Variants in SH3GL2 observed in about 807,000 individuals in gnomAD.
The protein encoded by SH3GL2 is endophilin-A1.
SH3GL2 carries 24 observed loss-of-function variants against 46.0 expected under a neutral mutation model. That is an observed-to-expected ratio of 0.52 (90% confidence interval 0.38 to 0.73). The LOEUF (loss-of-function observed/expected upper bound fraction) is 0.73. Among genes scored for constraint, SH3GL2 ranks in the 30% least tolerant of loss-of-function variants. The pLI is 0.00. For synonymous variants in SH3GL2, 196 were observed against 147.1 expected, an observed-to-expected ratio of 1.33 and a Z score of -2.40; for missense variants, 413 against 424.2, an observed-to-expected ratio of 0.97 and a Z score of 0.23.
chr9:17,584,136 G>GAAACATTCT (rs1818326499), intron 1 of SH3GL2, among the ~76,000 whole-genome samples: 3 of 152,196 alleles, frequency 2.0e-5, no homozygotes, highest in African/African-American at 7.2e-5. Context: ...ATTTTTCTGA[G>GAAACATTCT]GGAGAATGCC....
chr9:17,686,354 G>A (rs1820909407), intron 1 of SH3GL2, among the ~76,000 whole-genome samples: 1 of 134,224 alleles, frequency 7.5e-6, no homozygotes, highest in Non-Finnish European at 1.6e-5. Context: ...CTGTAAACTA[G>A]TTCAACCATT....
intron 1 of SH3GL2, among the ~76,000 whole-genome samples, chr9:17,736,933 C>G (rs1406301655): frequency 6.6e-6 from 1 of 151,984 alleles, no homozygotes; most frequent in Admixed American, 6.6e-5. Flanking sequence ...TTCACAATAG[C>G]AAAGACTTGG....
At chr9:17,716,488 G>C (rs1821763052) in intron 1 of SH3GL2, among the ~76,000 whole-genome samples, 1 of 152,106 alleles carries the variant, frequency 6.6e-6, no homozygotes, top group Non-Finnish European at 1.5e-5. Flanking sequence ...TCAATTCCAG[G>C]TCAATTATAA....
chr9:17,600,369 A>G (rs538097826), intron 1 of SH3GL2, among the ~76,000 whole-genome samples: 1 of 152,380 alleles, frequency 6.6e-6, no homozygotes, highest in East Asian at 1.9e-4. Flanking sequence ...AAAGACAGGA[A>G]TGTAATGTCG....
intron 3 of SH3GL2, among the ~76,000 whole-genome samples, chr9:17,774,066 T>C (rs1231707487): frequency 6.6e-6 from 1 of 152,288 alleles, no homozygotes; most frequent in Non-Finnish European, 1.5e-5. Flanking sequence ...CTATTGTAAA[T>C]GGAATTAACC....
chr9:17,639,073 A>T (rs1297224156), intron 1 of SH3GL2, among the ~76,000 whole-genome samples: 1 of 152,250 alleles, frequency 6.6e-6, no homozygotes, highest in Non-Finnish European at 1.5e-5. Flanking sequence ...TTATAAAGGT[A>T]TGTTGAATGA....
intron 1 of SH3GL2, among the ~76,000 whole-genome samples, chr9:17,694,490 C>T (rs1821157457): frequency 6.6e-6 from 1 of 152,098 alleles, no homozygotes; most frequent in South Asian, 2.1e-4. Flanking sequence ...TTGCTATATA[C>T]TAGACTTGAT....
intron 1 of SH3GL2, among the ~76,000 whole-genome samples, chr9:17,693,401 A>G (rs1821129512): frequency 6.6e-6 from 1 of 152,204 alleles, no homozygotes; most frequent in Non-Finnish European, 1.5e-5. Flanking sequence ...TGAACTAAAT[A>G]TCCAACTTCT....
chr9:17,709,181 A>G (rs957667326), intron 1 of SH3GL2, among the ~76,000 whole-genome samples: 2 of 151,972 alleles, frequency 1.3e-5, no homozygotes, highest in Non-Finnish European at 2.9e-5. Flanking sequence ...GGGCTTGCTT[A>G]TTTGGGGACC....
At chr9:17,793,249 C>T in intron 7 of SH3GL2, 118 bp from the exon 8 acceptor site, 1 of 886,450 alleles carries the variant, frequency 1.1e-6, no homozygotes, top group Admixed American at 2.8e-5. Context: ...TGATTTCCCA[C>T]ACTTCATCAT....
chr9:17,732,302 G>C (rs1381197944), intron 1 of SH3GL2, among the ~76,000 whole-genome samples: 3 of 152,110 alleles, frequency 2.0e-5, no homozygotes, highest in Non-Finnish European at 2.9e-5. Context: ...TGGTGGGAAA[G>C]AGGAAAAGAC....
chr9:17,596,933 G>C (rs1248049723), intron 1 of SH3GL2, among the ~76,000 whole-genome samples: 1 of 152,108 alleles, frequency 6.6e-6, no homozygotes, highest in Non-Finnish European at 1.5e-5. Context: ...GGATGGTCTG[G>C]CTTTCTCTGG....
intron 1 of SH3GL2, among the ~76,000 whole-genome samples, chr9:17,631,691 T>TAA (rs1819430075): frequency 6.6e-6 from 1 of 152,158 alleles, no homozygotes; most frequent in African/African-American, 2.4e-5. Context: ...AGTGGGGCTT[T>TAA]AAAACATCCT....
intron 1 of SH3GL2, among the ~76,000 whole-genome samples, chr9:17,636,934 C>T (rs1033749885): frequency 6.6e-6 from 1 of 152,148 alleles, no homozygotes; most frequent in Admixed American, 6.5e-5. Context: ...AAAGAAGTCC[C>T]TTCATGTGTG....
At chr9:17,622,687 TTCTCTGAGAAAGTGGG>T (rs1032341650) in intron 1 of SH3GL2, among the ~76,000 whole-genome samples, 2 of 152,194 alleles carry the variant, frequency 1.3e-5, no homozygotes, top group African/African-American at 4.8e-5. Context: ...GTTTGTCTTA[TTCTCTGAGAAAGTGGG>T]CTGGTAGGTA....
intron 1 of SH3GL2, among the ~76,000 whole-genome samples, chr9:17,655,296 G>A (rs1484175299): frequency 1.3e-5 from 2 of 152,144 alleles, no homozygotes; most frequent in Non-Finnish European, 2.9e-5. Context: ...GGATGGCAAG[G>A]GGTGTACGTG....
intron 2 of SH3GL2, among the ~76,000 whole-genome samples, chr9:17,748,656 G>GAAATATTT (rs1563838073): frequency 6.6e-6 from 1 of 151,996 alleles, no homozygotes; most frequent in Non-Finnish European, 1.5e-5. Flanking sequence ...TTTTCTTTGT[G>GAAATATTT]TCTTCCATGA....
At chr9:17,651,986 C>A (rs868539376) in intron 1 of SH3GL2, among the ~76,000 whole-genome samples, 1 of 152,110 alleles carries the variant, frequency 6.6e-6, no homozygotes, top group African/African-American at 2.4e-5. Context: ...AATTATTAGC[C>A]TTTTCAAAAT....
intron 1 of SH3GL2, among the ~76,000 whole-genome samples, chr9:17,685,357 A>C (rs767828246): frequency 1.3e-5 from 2 of 152,044 alleles, no homozygotes; most frequent in Admixed American, 6.6e-5. Context: ...GGTTGATTGG[A>C]TGAGGTCCCC....
Sources: gnomAD v4.1 joint callset for allele counts (sites outside exome capture counted in the v4.1 genomes callset) on GRCh38, gnomAD v4.1.1 for gene constraint, MANE v1.5 for transcripts, NCBI Gene and HGNC (gene_info 2026-07-23, HGNC 2026-07-21) for gene names.